Variants in EFEMP1 observed in about 807,000 individuals in gnomAD.
The protein encoded by EFEMP1 is EGF-like fibulin extracellular matrix protein 1.
Under a neutral mutation model 65.7 loss-of-function variants are expected in EFEMP1, and 18 were observed. The observed-to-expected ratio is 0.27, with a 90% CI of 0.19 to 0.41. EFEMP1 has a LOEUF of 0.41. Among genes scored for constraint, EFEMP1 ranks in the 10% least tolerant of loss-of-function variants. The pLI is 1.00. For missense variants in EFEMP1, 469 were observed against 624.8 expected, an observed-to-expected ratio of 0.75 and a Z score of 2.66; for synonymous variants, 237 against 219.7, an observed-to-expected ratio of 1.08 and a Z score of -0.70.
chr2:55,885,982 C>G lies in EFEMP1; in HGVS notation c.518-4248G>C, dbSNP rs1215792079. On this transcript the variant is annotated intron_variant, in intron 5 of 11. Transcript: ENST00000355426. This position sits in a 1 kb window ranked among gnomAD's most constrained non-coding sequence, Gnocchi z 4.3. The stretch of plus-strand genomic sequence containing the variant: ...TGATAACTTACCACAACATGGAGTC[C>G]CTTTAGCATGTTTTCATGGGCAAAA... 6.6e-6 allele frequency among the ~76,000 whole-genome samples: 1 copy of G among 152,072 alleles called. No individual in the cohort carries two copies. The highest frequency in any genetic ancestry group is 1.9e-4 in the East Asian group (1 of 5,200).
Position 55,877,605 on chromosome 2 carries a change from T to C in EFEMP1, c.760+141A>G. 1 of 1,352,462 alleles carries C rather than the reference T, an allele frequency of 7.4e-7. No homozygotes were observed. The highest frequency in any genetic ancestry group is 1.2e-5 in the South Asian group (1 of 80,484). 83.8% of individuals were successfully genotyped at this position (1,352,462 alleles called of 1,614,324 possible). A position where few individuals can be genotyped will look rare whatever the true frequency, so the allele number is the denominator to read the frequency against. On this transcript the variant is annotated intron_variant, in intron 7 of 11. Transcript: ENST00000355426. This position sits in a 1 kb window ranked among gnomAD's most constrained non-coding sequence, Gnocchi z 4.5. ...TGTGTTTTAAGACACAGATTGGTTATTATCTTTTAAGCTTTATGATTGCTG... is the reference window on the plus strand; with the variant it reads ...TGTGTTTTAAGACACAGATTGGTTACTATCTTTTAAGCTTTATGATTGCTG...
At position 55,886,611 on chromosome 2, in the gene EFEMP1, C is replaced by T. The variant is rs75000414; in HGVS notation, c.518-4877G>A. On this transcript the variant is annotated intron_variant, in intron 5 of 11. Transcript: ENST00000355426. The surrounding 1 kb of genome is among the most constrained non-coding windows in gnomAD (Gnocchi z 4.0). Reference sequence around the variant, plus strand: ...GAAGAGCTTCTTTACCATTGGCCTCCTTCCTCCCAACATTCTTAATGATTT... The same window carrying T: ...GAAGAGCTTCTTTACCATTGGCCTCTTTCCTCCCAACATTCTTAATGATTT... Among the ~76,000 whole-genome samples, 6,482 of 152,166 alleles carry T rather than the reference C, an allele frequency of 0.043. 448 individuals are homozygous for T. The highest frequency in any genetic ancestry group is 0.15 in the African/African-American group (6,048 of 41,474).
chr2:55,893,927 A>T (rs1669723407), intron 5 of EFEMP1, among the ~76,000 whole-genome samples: 1 of 152,214 alleles, frequency 6.6e-6, no homozygotes, highest in Non-Finnish European at 1.5e-5. Context: ...AGATGAATGG[A>T]TACAAGAACA....
Position 55,919,091 on chromosome 2 carries a change from T to C in EFEMP1, c.82-824A>G, listed in dbSNP as rs896429566. Among the ~76,000 whole-genome samples, 1 of 152,274 alleles carries C rather than the reference T, an allele frequency of 6.6e-6. No homozygotes were observed. The highest frequency in any genetic ancestry group is 1.5e-5 in the Non-Finnish European group (1 of 68,020). ...CAGAGGAGGTGACAGTAAATCAGGCTTTACAGGATGAGCAGGATTTTTCCA... is the reference window on the plus strand; with the variant it reads ...CAGAGGAGGTGACAGTAAATCAGGCCTTACAGGATGAGCAGGATTTTTCCA... On this transcript the variant is annotated intron_variant, in intron 3 of 11. Transcript: ENST00000355426. This position sits in a 1 kb window ranked among gnomAD's most constrained non-coding sequence, Gnocchi z 4.5.
At chr2:55,882,745 C>T (rs1321467282) in intron 5 of EFEMP1, among the ~76,000 whole-genome samples, 8 of 152,054 alleles carry the variant, frequency 5.3e-5, no homozygotes. Flanking sequence ...ACTTGTGATT[C>T]CTAGATGACA....
chr2:55,895,587 G>GCCGGA (rs1669794251), intron 5 of EFEMP1, among the ~76,000 whole-genome samples: 2 of 150,964 alleles, frequency 1.3e-5, no homozygotes, highest in East Asian at 3.9e-4. Flanking sequence ...TGTCGCCCAG[G>GCCGGA]CTGGAGTGCA....
chr2:55,868,434 G>A (rs1438854843), intron 11 of EFEMP1, among the ~76,000 whole-genome samples: 2 of 152,160 alleles, frequency 1.3e-5, no homozygotes, highest in Non-Finnish European at 1.5e-5. Flanking sequence ...GTAAGGCTCA[G>A]TAAGGGAGCA....
chr2:55,891,921 A>T (rs1023319137), intron 5 of EFEMP1, among the ~76,000 whole-genome samples: 25 of 152,096 alleles, frequency 1.6e-4, no homozygotes, highest in East Asian at 1.9e-4. Context: ...CCTCCAAGTT[A>T]TCCATAAATT....
Position 55,881,513 on chromosome 2 carries a change from A to G in EFEMP1, c.640+99T>C. 3 of 1,498,886 alleles carry G rather than the reference A, an allele frequency of 2.0e-6. No individual in the cohort carries two copies. The South Asian group carries it at 3.4e-5, about 17-fold the overall frequency. 92.8% of individuals were successfully genotyped at this position (1,498,886 alleles called of 1,614,324 possible). A position where few individuals can be genotyped will look rare whatever the true frequency, so the allele number is the denominator to read the frequency against. On this transcript the variant is annotated intron_variant, in intron 6 of 11. Transcript: ENST00000355426. ...AAAAAATAAGGAATTATTGGCTACC[A>G]CTCTCCAAAGAAACATGAATGCTTT...
chr2:55,870,668 A>T lies in EFEMP1; in HGVS notation c.1320+52T>A, dbSNP rs532405890. ...CACAACAACAACAACAACAACAACA[A>T]CAACAAACTCCCATCTTTCTCAATA... On this transcript the variant is annotated intron_variant, in intron 11 of 11. Coordinates refer to ENST00000355426, the MANE Select transcript of EFEMP1 (RefSeq NM_001039348.3). The surrounding 1 kb of genome is among the most constrained non-coding windows in gnomAD (Gnocchi z 5.8). 1.1e-5 allele frequency: 18 copies of T among 1,604,792 alleles called. No homozygotes were observed. In the East Asian group the frequency reaches 3.8e-4, roughly 34 times the overall value.
At position 55,872,304 on chromosome 2, in the gene EFEMP1, C is replaced by G. The variant is rs78468030; in HGVS notation, c.1001-1181G>C. Among the ~76,000 whole-genome samples, 300 of 152,180 alleles carry G rather than the reference C, an allele frequency of 2.0e-3. 1 individual carries two copies. The highest frequency in any genetic ancestry group is 6.9e-3 in the African/African-American group (285 of 41,530). On this transcript the variant is annotated intron_variant, in intron 9 of 11. Coordinates refer to ENST00000355426, the MANE Select transcript of EFEMP1 (RefSeq NM_001039348.3). ...GCTGGGATATGATCTCTTTTGAATT[C>G]TCATACCCGGTGTTCTTTTTTAAGG...
intron 5 of EFEMP1, among the ~76,000 whole-genome samples, chr2:55,895,859 A>G (rs1669812879): frequency 6.6e-6 from 1 of 152,162 alleles, no homozygotes; most frequent in African/African-American, 2.4e-5. Flanking sequence ...TTTTTTAAGA[A>G]AGAGAATTGC....
intron 5 of EFEMP1, among the ~76,000 whole-genome samples, chr2:55,884,479 T>C (rs1669353609): frequency 6.6e-6 from 1 of 152,192 alleles, no homozygotes; most frequent in Non-Finnish European, 1.5e-5. Flanking sequence ...GTGCAGATGC[T>C]CTGGAAAAGG....
intron 5 of EFEMP1, among the ~76,000 whole-genome samples, chr2:55,887,530 G>A (rs543885564): frequency 4.3e-4 from 66 of 152,154 alleles, no homozygotes; most frequent in Admixed American, 1.1e-3. Context: ...ATTTATCTGG[G>A]CCAAATGCCC....
rs1274823323 is a variant in EFEMP1 at position 55,871,347 on chromosome 2, T to G, written c.1001-224A>C. ...TAATATGTGTCATTTCATGATATTT[T>G]ATCAAGCACCTATTGTTCATCTGTT... On this transcript the variant is annotated intron_variant, in intron 9 of 11. Transcript: ENST00000355426. This position sits in a 1 kb window ranked among gnomAD's most constrained non-coding sequence, Gnocchi z 4.2. Among the ~76,000 whole-genome samples the G allele has an allele frequency of 6.6e-6, 1 of 152,166 alleles. No individual in the cohort carries two copies. The highest frequency in any genetic ancestry group is 1.5e-5 in the Non-Finnish European group (1 of 68,022).
rs1668796925 is a variant in EFEMP1 at position 55,871,229 on chromosome 2, A to T, written c.1001-106T>A. 2 of 1,519,792 alleles carry T rather than the reference A, an allele frequency of 1.3e-6. No individual in the cohort carries two copies. 94.1% of individuals were successfully genotyped at this position (1,519,792 alleles called of 1,614,324 possible). ...TTTGCAAGGAAGGAGGTGTGAGAGC[A>T]TCTGGACTGTGTTCAACCTGCTTTT... On this transcript the variant is annotated intron_variant, in intron 9 of 11. Coordinates refer to ENST00000355426, the MANE Select transcript of EFEMP1 (RefSeq NM_001039348.3). The surrounding 1 kb of genome is among the most constrained non-coding windows in gnomAD (Gnocchi z 4.2).
chr2:55,895,446 C>T (rs116572977), intron 5 of EFEMP1, among the ~76,000 whole-genome samples: 3,256 of 152,322 alleles, frequency 0.021, 66 homozygotes, highest in South Asian at 0.077. Context: ...CCCTATCTTA[C>T]CAGTAAAGAC....
intron 5 of EFEMP1, among the ~76,000 whole-genome samples, chr2:55,904,985 C>CTTTTTTTTT (rs1168768201): frequency 4.3e-5 from 1 of 23,186 alleles, no homozygotes; most frequent in Non-Finnish European, 7.2e-5. Flanking sequence ...TTTTCTTTTT[C>CTTTTTTTTT]TTTTTTTTTT....
At chr2:55,875,372 A>ATTT (rs140924184) in intron 8 of EFEMP1, among the ~76,000 whole-genome samples, 1 of 148,986 alleles carries the variant, frequency 6.7e-6, no homozygotes, top group South Asian at 2.1e-4. Context: ...ACACATATAT[A>ATTT]TTTTTTTTGT....
Sources: allele counts gnomAD v4.1 joint callset (sites outside exome capture counted in the v4.1 genomes callset), GRCh38; gene constraint gnomAD v4.1.1; non-coding constraint Gnocchi (gnomAD v3.1); transcripts MANE v1.5; gene names NCBI Gene and HGNC (gene_info 2026-07-23, HGNC 2026-07-21).